Variants in ANO4 observed in about 807,000 individuals in gnomAD.
ANO4 encodes anoctamin 4.
In ANO4, 69 loss-of-function variants were observed where a neutral mutation model predicts 141.9. That is an observed-to-expected ratio of 0.49 (90% confidence interval 0.40 to 0.59). The LOEUF is 0.59. Ranked by LOEUF, ANO4 falls within the 20% of genes least tolerant of loss-of-function variation. The probability of loss-of-function intolerance (pLI) is 0.00; values close to 1 mark genes in which losing one functional copy is unlikely to be tolerated. For missense variants in ANO4, 894 were observed against 1,162.2 expected (o/e 0.77, Z 3.36); for synonymous variants, 350 against 394.3 (o/e 0.89, Z 1.33).
intron 1 of ANO4, among the ~76,000 whole-genome samples, chr12:100,846,740 G>T (rs191676990): frequency 5.5e-4 from 83 of 152,208 alleles, no homozygotes; most frequent in African/African-American, 2.0e-3. Context: ...TATCTCTCCT[G>T]CCACCTTTCT....
intron 9 of ANO4, among the ~76,000 whole-genome samples, chr12:101,020,970 A>G (rs974326699): frequency 6.6e-6 from 1 of 152,206 alleles, no homozygotes; most frequent in Non-Finnish European, 1.5e-5. Context: ...TTTTATATAA[A>G]TAATTAACTG....
intron 5 of ANO4, among the ~76,000 whole-genome samples, chr12:100,970,039 C>G (rs1005366029): frequency 2.6e-5 from 4 of 152,102 alleles, no homozygotes. Context: ...ATTTTACTTC[C>G]CTATGTTCTG....
At position 101,086,715 on chromosome 12, in the gene ANO4, T is replaced by C; in HGVS notation, c.1592T>C (p.Val531Ala). 6.2e-7 allele frequency: 1 copy of C among 1,613,866 alleles called. No homozygotes were observed. The highest frequency in any genetic ancestry group is 8.5e-7 in the Non-Finnish European group (1 of 1,179,830). ...FGIVIYRVVTVSTFAAFKWAL... is the reference protein window; with the variant it reads ...FGIVIYRVVTASTFAAFKWAL... The stretch of plus-strand genomic sequence containing the variant: ...ATCGTCATTTACCGGGTGGTGACTG[T>C]CAGCACTTTCGCTGCCTTTAAGTGG... Residue 531 changes from valine to alanine, a missense_variant, in exon 17 of 28, where the codon GTC becomes GCC. Physicochemically the swap from Val to Ala is moderately conservative, Grantham distance 64. This residue lies in a region of ANO4 where 637 missense variants were observed against 909.2 expected (regional missense o/e 0.70). Coordinates refer to ENST00000392977, the MANE Select transcript of ANO4 (RefSeq NM_001286615.2).
At chr12:101,106,202 G>C (rs1015265941) in intron 22 of ANO4, among the ~76,000 whole-genome samples, 1 of 151,922 alleles carries the variant, frequency 6.6e-6, no homozygotes, top group Admixed American at 6.6e-5. Context: ...ATCCAAACAA[G>C]CCCAGAGAAA....
rs369280518 is a variant in ANO4, at chr12:101,079,197, A to G, written c.1317A>G (p.Thr439=). 6 of 1,613,606 alleles carry G rather than the reference A, an allele frequency of 3.7e-6. No homozygotes were observed. Among genetic ancestry groups the G allele is most frequent in the Non-Finnish European group, 4.2e-6 (5 of 1,179,756 alleles). ...FFAVFMAVWA[T]VFLEFWKRRR... is the part of the protein sequence containing the mutation. ...GTCTTTCTCTGCTTGTTCCAGCAACAGTTTTCCTGGAGTTTTGGAAAAGAC... is the reference window on the plus strand; with the variant it reads ...GTCTTTCTCTGCTTGTTCCAGCAACGGTTTTCCTGGAGTTTTGGAAAAGAC... The change falls in exon 15 of 28, where the codon ACA becomes ACG. Residue 439 remains threonine (T), a synonymous_variant. Transcript: ENST00000392977.
intron 1 of ANO4, among the ~76,000 whole-genome samples, chr12:100,727,837 A>T (rs1021700387): frequency 2.6e-5 from 4 of 152,056 alleles, no homozygotes; most frequent in Non-Finnish European, 5.9e-5. Context: ...TACCCCTTTG[A>T]ACACAACTAA....
intron 5 of ANO4, among the ~76,000 whole-genome samples, chr12:100,949,661 A>G (rs537995778): frequency 1.0e-3 from 153 of 152,324 alleles, no homozygotes; most frequent in African/African-American, 3.4e-3. Context: ...CGCAACCATT[A>G]GGAATAGCAA....
intron 3 of ANO4, among the ~76,000 whole-genome samples, chr12:100,770,037 G>A (rs1220026242): frequency 1.3e-5 from 2 of 152,160 alleles, no homozygotes; most frequent in Non-Finnish European, 2.9e-5. Context: ...AATAAAACAC[G>A]TTATATTACT....
intron 2 of ANO4, among the ~76,000 whole-genome samples, chr12:100,908,171 G>A (rs2040930947): frequency 6.6e-6 from 1 of 152,114 alleles, no homozygotes; most frequent in Non-Finnish European, 1.5e-5. Flanking sequence ...ACCAGGTGGA[G>A]AAACCCTCTC....
chr12:101,108,251 C>T lies in ANO4; in HGVS notation c.2150-2153C>T, dbSNP rs57305216. Among the ~76,000 whole-genome samples, 676 of 152,186 alleles carry T rather than the reference C, an allele frequency of 4.4e-3. 9 individuals carry two copies. Among genetic ancestry groups the T allele is most frequent in the African/African-American group, 0.016 (649 of 41,510 alleles). ...AAACCAAGGTTGAAACAGAAGGGAA[C>T]GCCCACATCTATTTGTGGGTAAAGA... On this transcript the variant is annotated intron_variant, in intron 22 of 27. Coordinates refer to ENST00000392977, the MANE Select transcript of ANO4 (RefSeq NM_001286615.2).
chr12:100,830,569 C>T lies in ANO4; in HGVS notation c.-141+35542C>T, dbSNP rs376834210. On this transcript the variant is annotated intron_variant, in intron 1 of 27. Transcript: ENST00000392977. ...TGTAGGTTCTGTCATCACAGACCAT[C>T]AGCCCTCTGTTCTTACAGCAGATGA... is the stretch of plus-strand genomic sequence containing the variant. Among the ~76,000 whole-genome samples, 9 of 152,110 alleles carry T rather than the reference C, an allele frequency of 5.9e-5. No individual in the cohort carries two copies. The East Asian group carries it at 1.4e-3, about 23-fold the overall frequency.
chr12:100,758,028 C>T (rs983786185), intron 3 of ANO4, among the ~76,000 whole-genome samples: 3 of 152,138 alleles, frequency 2.0e-5, no homozygotes, highest in Admixed American at 6.5e-5. Context: ...CAGAAAAGAT[C>T]GTGAGGATCA....
intron 3 of ANO4, among the ~76,000 whole-genome samples, chr12:100,765,265 T>C (rs1159522738): frequency 1.3e-5 from 2 of 152,206 alleles, no homozygotes; most frequent in African/African-American, 4.8e-5. Context: ...CCCTTTGTAT[T>C]TCTGTGGTCT....
chr12:101,067,037 G>T, intron 14 of ANO4: 3 of 499,274 alleles, frequency 6.0e-6, no homozygotes, highest in Non-Finnish European at 1.1e-5. Context: ...GACCATGCTG[G>T]GCTTATTGTG....
At chr12:100,828,321 A>C (rs1336580412) in intron 1 of ANO4, among the ~76,000 whole-genome samples, 1 of 151,984 alleles carries the variant, frequency 6.6e-6, no homozygotes, top group Non-Finnish European at 1.5e-5. Context: ...GTGTTTAATC[A>C]TGGAAACCTC....
intron 1 of ANO4, among the ~76,000 whole-genome samples, chr12:100,862,116 G>A (rs1372633280): frequency 1.3e-5 from 2 of 151,840 alleles, no homozygotes; most frequent in Admixed American, 6.6e-5. Context: ...TTAGAGCCAC[G>A]GGGTCTCATT....
chr12:100,911,898 T>G (rs2041117611), intron 2 of ANO4, among the ~76,000 whole-genome samples: 1 of 152,182 alleles, frequency 6.6e-6, no homozygotes, highest in Non-Finnish European at 1.5e-5. Flanking sequence ...AGAATAACGA[T>G]CATAATACTG....
chr12:100,734,651 A>T (rs1220189163), intron 2 of ANO4, among the ~76,000 whole-genome samples: 4 of 152,206 alleles, frequency 2.6e-5, no homozygotes, highest in African/African-American at 9.7e-5. Flanking sequence ...CCCAGCTAGA[A>T]ATTAATTACC....
intron 1 of ANO4, among the ~76,000 whole-genome samples, chr12:100,835,610 A>G (rs1329699092): frequency 1.3e-5 from 2 of 152,104 alleles, no homozygotes; most frequent in East Asian, 1.9e-4. Context: ...TTTTACTGCA[A>G]TTTAGGGGTT....
Sources: allele counts gnomAD v4.1 joint callset (sites outside exome capture counted in the v4.1 genomes callset), GRCh38; gene constraint gnomAD v4.1.1; regional missense constraint gnomAD v4.1.1; transcripts MANE v1.5; gene names NCBI Gene and HGNC (gene_info 2026-07-23, HGNC 2026-07-21).